The following BBS4 variants were observed in gnomAD, a reference collection of about 807,000 sequenced individuals.
BBS4 encodes the protein BBSome complex member BBS4.
BBS4 carries 58 observed loss-of-function variants against 71.4 expected under a neutral mutation model. That is an observed-to-expected ratio of 0.81 (90% CI 0.66 to 1.01). The LOEUF is 1.01. Ranked by LOEUF, BBS4 falls within the 50% of genes least tolerant of loss-of-function variation. The probability of loss-of-function intolerance (pLI) is 0.00; values close to 1 mark genes in which losing one functional copy is unlikely to be tolerated. For synonymous variants in BBS4, 228 were observed against 216.8 expected (o/e 1.05, Z -0.46); for missense variants, 660 against 607.9 (o/e 1.09, Z -0.90).
intron 1 of BBS4, among the ~76,000 whole-genome samples, chr15:72,692,304 A>ATTT (rs398027909): frequency 1.2e-4 from 7 of 59,266 alleles, no homozygotes; most frequent in Admixed American, 9.6e-4. Flanking sequence ...TTACATTGCA[A>ATTT]TTTTTTTTTT....
chr15:72,695,898 A>G (rs2065068355), intron 2 of BBS4, among the ~76,000 whole-genome samples: 1 of 152,194 alleles, frequency 6.6e-6, no homozygotes, highest in Non-Finnish European at 1.5e-5. Flanking sequence ...ATGGCCCACA[A>G]TGTGGCCTGT....
At chr15:72,730,252 C>T (rs2065786534) in intron 10 of BBS4, among the ~76,000 whole-genome samples, 1 of 150,528 alleles carries the variant, frequency 6.6e-6, no homozygotes, top group South Asian at 2.1e-4. Flanking sequence ...GCACTCCAGC[C>T]TGGGTGACAG....
Position 72,724,640 on chromosome 15 carries a change from A to G in BBS4, c.572A>G (p.Tyr191Cys), listed in dbSNP as rs756915341. 2 of 1,614,092 alleles carry G rather than the reference A, an allele frequency of 1.2e-6. No individual in the cohort carries two copies. Among genetic ancestry groups the G allele is most frequent in the Admixed American group, 3.3e-5 (2 of 60,022 alleles). ...GACTTGGACAAGGCCATTGAAGTCT[A>G]CAAGAAAGCAGTGGAGTAAGTGTAT... ...EGDLDKAIEV[Y>C]KKAVEFSPEN... Residue 191 changes from tyrosine (Y) to cysteine (C), a missense_variant, in exon 8 of 16, where the codon TAC becomes TGC. Tyr to Cys is a radical substitution (Grantham distance 194). Transcript: ENST00000268057.
chr15:72,702,480 A>T (rs2065187598), intron 2 of BBS4, among the ~76,000 whole-genome samples: 1 of 152,222 alleles, frequency 6.6e-6, no homozygotes, highest in Admixed American at 6.5e-5. Context: ...TATAATTGTT[A>T]AATTTTGCTT....
intron 1 of BBS4, among the ~76,000 whole-genome samples, chr15:72,688,802 C>T (rs1018881374): frequency 1.3e-5 from 2 of 152,108 alleles, no homozygotes; most frequent in Non-Finnish European, 2.9e-5. Flanking sequence ...CTAGGGCATT[C>T]GTTGTAGTAC....
intron 3 of BBS4, 126 bp downstream of exon 3, chr15:72,709,905 C>A: frequency 1.3e-6 from 1 of 786,318 alleles, no homozygotes; most frequent in Non-Finnish European, 2.2e-6. Flanking sequence ...CTTCCCCATA[C>A]TTCATACACT....
At position 72,735,435 on chromosome 15, in the gene BBS4, G is replaced by A. The variant is rs183701884; in HGVS notation, c.1106+253G>A. 12 of 542,022 alleles carry A rather than the reference G, an allele frequency of 2.2e-5. No homozygotes were observed. The Admixed American group carries it at 3.6e-4, about 16-fold the overall frequency. The allele number at this position is 542,022 out of a possible 1,614,324, so 33.6% of individuals were successfully genotyped here. A position where few individuals can be genotyped will look rare whatever the true frequency, so the allele number is the denominator to read the frequency against. On this transcript the variant is annotated intron_variant, in intron 13 of 15. Coordinates refer to ENST00000268057, the MANE Select transcript of BBS4 (RefSeq NM_033028.5). ...GCTAGAGAATGTCAGAACTGGCAGT[G>A]GGCTTGGGTTGCTGATAGCTATGGG...
At chr15:72,719,418 C>A (rs888445509) in intron 6 of BBS4, among the ~76,000 whole-genome samples, 2 of 151,790 alleles carry the variant, frequency 1.3e-5, no homozygotes, top group Non-Finnish European at 2.9e-5. Context: ...CCATGCCTGG[C>A]TAAATTTATT....
rs1034067179 is a variant in BBS4, at chr15:72,722,908, A to G, written c.459+61A>G. 8.3e-6 allele frequency: 12 copies of G among 1,447,630 alleles called. No homozygotes were observed. The African/African-American group carries it at 1.1e-4, about 13-fold the overall frequency. 89.7% of individuals were successfully genotyped at this position (1,447,630 alleles called of 1,614,324 possible). The stretch of plus-strand genomic sequence containing the variant: ...GTGCACTTGTTGCAGAAGTTGTTAC[A>G]TTGCTCATTTGGTATTATCCCTAGT... On this transcript the variant is annotated intron_variant, in intron 7 of 15. Transcript: ENST00000268057.
At chr15:72,702,847 G>A (rs1412136431) in intron 2 of BBS4, among the ~76,000 whole-genome samples, 3 of 112,422 alleles carry the variant, frequency 2.7e-5, no homozygotes, top group South Asian at 3.3e-4. Context: ...TCGCTCTGTC[G>A]CCCAGGCTGG....
chr15:72,731,063 A>ATTTT (rs2065807880), intron 10 of BBS4, among the ~76,000 whole-genome samples: 1 of 51,436 alleles, frequency 1.9e-5, no homozygotes, highest in Admixed American at 1.9e-4. Flanking sequence ...GTAACATTTT[A>ATTTT]TCTTTTTTTT....
In BBS4 at chr15:72,738,351, C is replaced by T; in HGVS notation, c.*764C>T. ...AAGATAGTCAGTGATAACCACTGAC[C>T]AGATGCTATCAATACACTATGTGTC... On this transcript the variant is annotated 3_prime_UTR_variant, in exon 16 of 16. Transcript: ENST00000268057. 1 of 453,000 alleles carries T rather than the reference C, an allele frequency of 2.2e-6. No individual in the cohort carries two copies. 28.1% of individuals were successfully genotyped at this position (453,000 alleles called of 1,614,324 possible).
At chr15:72,706,893 C>G (rs969281898) in intron 2 of BBS4, among the ~76,000 whole-genome samples, 3 of 151,950 alleles carry the variant, frequency 2.0e-5, no homozygotes, top group Non-Finnish European at 4.4e-5. Flanking sequence ...ATTGCCCAGG[C>G]TGGTATCAAA....
chr15:72,731,860 C>G lies in BBS4; in HGVS notation c.1036+134C>G, dbSNP rs2065832362. Reference sequence around the variant, plus strand: ...ATCCTGTAGGAATCTGGATTACTGTCCTGGAGCTTGAAGAAATAGAAAAAG... The same window carrying G: ...ATCCTGTAGGAATCTGGATTACTGTGCTGGAGCTTGAAGAAATAGAAAAAG... On this transcript the variant is annotated intron_variant, in intron 12 of 15. Transcript: ENST00000268057. 11 of 1,159,746 alleles carry G rather than the reference C, an allele frequency of 9.5e-6. No homozygotes were observed. The South Asian group carries it at 1.4e-4, about 14-fold the overall frequency. 71.8% of individuals were successfully genotyped at this position (1,159,746 alleles called of 1,614,324 possible).
chr15:72,705,513 G>A (rs922077013), intron 2 of BBS4, among the ~76,000 whole-genome samples: 3 of 150,524 alleles, frequency 2.0e-5, no homozygotes, highest in Non-Finnish European at 2.9e-5. Context: ...GAGCGTTTGG[G>A]TTCTTGAGCT....
intron 14 of BBS4, 56 bp downstream of exon 14, chr15:72,736,022 A>G (rs1171604260): frequency 1.2e-6 from 2 of 1,603,894 alleles, no homozygotes; most frequent in East Asian, 4.5e-5. Flanking sequence ...AGACTTTTAA[A>G]AATCAAGCCC....
At chr15:72,689,503 T>TG (rs1452365444) in intron 1 of BBS4, among the ~76,000 whole-genome samples, 1 of 151,922 alleles carries the variant, frequency 6.6e-6, no homozygotes, top group Non-Finnish European at 1.5e-5. Context: ...GAAACTGAGG[T>TG]GAGAGGATAA....
At position 72,731,457 on chromosome 15, in the gene BBS4, G is replaced by T. The variant is rs141345544; in HGVS notation, c.864G>T (p.Ala288=). The T allele has an allele frequency of 1.2e-6, 2 of 1,614,000 alleles. No individual in the cohort carries two copies. Among genetic ancestry groups the T allele is most frequent in the Non-Finnish European group, 1.7e-6 (2 of 1,180,032 alleles). The part of the protein sequence containing the change: ...MCFFGKKKYV[A]AISCLKRANY... ...TCTTTGGCAAGAAGAAATATGTGGCGGTGAGTGTCCCCTCATGTTCTTTGT... is the reference window on the plus strand; with the variant it reads ...TCTTTGGCAAGAAGAAATATGTGGCTGTGAGTGTCCCCTCATGTTCTTTGT... The change falls in exon 11 of 16, where the codon GCG becomes GCT. Residue 288 remains alanine, a splice_region_variant and synonymous_variant. Coordinates refer to ENST00000268057, the MANE Select transcript of BBS4 (RefSeq NM_033028.5).
chr15:72,728,521 C>A (rs988186586), intron 9 of BBS4, among the ~76,000 whole-genome samples: 4 of 151,864 alleles, frequency 2.6e-5, no homozygotes, highest in Non-Finnish European at 5.9e-5. Flanking sequence ...AATTCTTATG[C>A]TATCCAGGAA....
Sources: allele counts gnomAD v4.1 joint callset (sites outside exome capture counted in the v4.1 genomes callset), GRCh38; gene constraint gnomAD v4.1.1; transcripts MANE v1.5; gene names NCBI Gene and HGNC (gene_info 2026-07-23, HGNC 2026-07-21).